Variants in SLC24A3 observed in about 807,000 individuals in gnomAD.
SLC24A3 encodes sodium/potassium/calcium exchanger 3.
A neutral mutation model predicts 75.8 loss-of-function variants in SLC24A3; 28 were observed. The observed-to-expected ratio is 0.37, with a 90% CI of 0.27 to 0.51. The LOEUF (loss-of-function observed/expected upper bound fraction) is 0.51. Among genes scored for constraint, SLC24A3 ranks in the 20% least tolerant of loss-of-function variants. SLC24A3 has a pLI of 0.94. For missense variants in SLC24A3, 663 were observed against 847.8 expected, an observed-to-expected ratio of 0.78 and a Z score of 2.71; for synonymous variants, 372 against 334.1, an observed-to-expected ratio of 1.11 and a Z score of -1.24.
At chr20:19,311,544 T>G (rs1401693849) in intron 2 of SLC24A3, among the ~76,000 whole-genome samples, 1 of 152,020 alleles carries the variant, frequency 6.6e-6, no homozygotes, top group Non-Finnish European at 1.5e-5. Context: ...GGTGTGCACG[T>G]TGGCCCCCAC....
intron 2 of SLC24A3, among the ~76,000 whole-genome samples, chr20:19,427,252 A>G (rs1987025547): frequency 6.6e-6 from 1 of 152,148 alleles, no homozygotes; most frequent in Admixed American, 6.5e-5. Flanking sequence ...ACCGGCATGA[A>G]AAAAGCAGCA....
intron 6 of SLC24A3, among the ~76,000 whole-genome samples, chr20:19,632,275 A>C (rs902617790): frequency 1.3e-5 from 2 of 152,218 alleles, no homozygotes; most frequent in Non-Finnish European, 2.9e-5. Flanking sequence ...TTAGTGGCTT[A>C]AAACAACCCA....
rs75546154 is a variant in SLC24A3, at chr20:19,472,036, T to C, written c.272-43452T>C. ...TTATTCAATTTTTGCAAATATTTAATGTACTGTTTCTTTTAAAATTCCTGT... is the reference window on the plus strand; with the variant it reads ...TTATTCAATTTTTGCAAATATTTAACGTACTGTTTCTTTTAAAATTCCTGT... On this transcript the variant is annotated intron_variant, in intron 2 of 16. Transcript: ENST00000328041. Among the ~76,000 whole-genome samples, 1,165 of 152,338 alleles carry C rather than the reference T, an allele frequency of 7.6e-3. 15 individuals carry two copies. The highest frequency in any genetic ancestry group is 0.027 in the African/African-American group (1,111 of 41,576).
At chr20:19,605,406 G>A (rs543427074) in intron 6 of SLC24A3, among the ~76,000 whole-genome samples, 3 of 152,066 alleles carry the variant, frequency 2.0e-5, no homozygotes, top group Admixed American at 6.6e-5. Context: ...CTACGAAAGA[G>A]GTTTTTCTTT....
chr20:19,597,754 C>T (rs1396033191), intron 6 of SLC24A3, among the ~76,000 whole-genome samples: 5 of 152,206 alleles, frequency 3.3e-5, no homozygotes, highest in Non-Finnish European at 7.3e-5. Context: ...TGCTGGTATC[C>T]ATCATTCTAC....
At chr20:19,663,406 C>G (rs1418551202) in intron 7 of SLC24A3, among the ~76,000 whole-genome samples, 2 of 106,476 alleles carry the variant, frequency 1.9e-5, no homozygotes, top group Admixed American at 9.2e-5. Context: ...GCCTCCTCCT[C>G]CACCTCCTCC....
At chr20:19,587,182 G>A (rs772400946) in intron 6 of SLC24A3, among the ~76,000 whole-genome samples, 82 of 152,306 alleles carry the variant, frequency 5.4e-4, no homozygotes, top group South Asian at 1.2e-3. Flanking sequence ...TTCATCATTT[G>A]TACCTGAAGC....
chr20:19,327,604 A>T (rs1984895002), intron 2 of SLC24A3, among the ~76,000 whole-genome samples: 1 of 152,110 alleles, frequency 6.6e-6, no homozygotes, highest in Non-Finnish European at 1.5e-5. Flanking sequence ...TGCTCTGATG[A>T]CTGTCTGTTC....
intron 1 of SLC24A3, among the ~76,000 whole-genome samples, chr20:19,262,421 A>G (rs897547170): frequency 6.6e-5 from 10 of 151,500 alleles, no homozygotes; most frequent in Admixed American, 3.9e-4. Context: ...AAAAAAAAAA[A>G]AAAAAGAAAG....
At chr20:19,663,093 G>C (rs1040779950) in intron 7 of SLC24A3, among the ~76,000 whole-genome samples, 10 of 152,026 alleles carry the variant, frequency 6.6e-5, no homozygotes, top group Admixed American at 6.5e-5. Context: ...TTTAGAGACA[G>C]GGTCTTGCTG....
At chr20:19,673,306 G>A (rs1179415953) in intron 8 of SLC24A3, among the ~76,000 whole-genome samples, 1 of 152,180 alleles carries the variant, frequency 6.6e-6, no homozygotes, top group Non-Finnish European at 1.5e-5. Context: ...TATACATATT[G>A]ACCTATATTC....
intron 2 of SLC24A3, among the ~76,000 whole-genome samples, chr20:19,494,545 C>T (rs909386678): frequency 2.0e-5 from 3 of 152,124 alleles, no homozygotes; most frequent in African/African-American, 7.2e-5. Context: ...GAAATACTAC[C>T]CCATTTTAAT....
chr20:19,326,900 A>C (rs1984875983), intron 2 of SLC24A3, among the ~76,000 whole-genome samples: 1 of 152,162 alleles, frequency 6.6e-6, no homozygotes, highest in Non-Finnish European at 1.5e-5. Flanking sequence ...GTTTTACAGA[A>C]ATAGATTATT....
chr20:19,654,201 C>A, intron 7 of SLC24A3, 65 bp downstream of exon 7: 1 of 1,471,024 alleles, frequency 6.8e-7, no homozygotes, highest in Non-Finnish European at 9.5e-7. Context: ...TGGTGTGAGG[C>A]TCCTCCACAT....
At chr20:19,293,121 G>A (rs1983980733) in intron 2 of SLC24A3, among the ~76,000 whole-genome samples, 1 of 152,092 alleles carries the variant, frequency 6.6e-6, no homozygotes, top group Admixed American at 6.6e-5. Context: ...GAGGTGGGAG[G>A]CTGCCCTTTG....
At position 19,685,121 on chromosome 20, in the gene SLC24A3, A is replaced by C. The variant is rs1225160315; in HGVS notation, c.1084A>C (p.Arg362=). Residue 362 remains arginine (R), a synonymous_variant, in exon 12 of 17, where the codon AGG becomes CGG. Coordinates refer to ENST00000328041, the MANE Select transcript of SLC24A3 (RefSeq NM_020689.4). ...INERQRLINS[R]AYTNGESEVA... is the part of the protein sequence containing the mutation. ...CCAGAGACAAAGATTGATAAACAGC[A>C]GGGCTTATACCAACGGGGAATCTGA... is the stretch of plus-strand genomic sequence containing the variant. 2 of 1,609,808 alleles carry C rather than the reference A, an allele frequency of 1.2e-6. No individual in the cohort carries two copies. Among genetic ancestry groups the C allele is most frequent in the Admixed American group, 1.7e-5 (1 of 59,820 alleles).
At chr20:19,462,043 C>T (rs907378825) in intron 2 of SLC24A3, among the ~76,000 whole-genome samples, 9 of 152,088 alleles carry the variant, frequency 5.9e-5, no homozygotes, top group African/African-American at 9.7e-5. Context: ...TCAGGGAGTC[C>T]GTGTACAGGT....
Position 19,327,490 on chromosome 20 carries a change from G to A in SLC24A3, c.271+46403G>A, listed in dbSNP as rs148252470. On this transcript the variant is annotated intron_variant, in intron 2 of 16. Coordinates refer to ENST00000328041, the MANE Select transcript of SLC24A3 (RefSeq NM_020689.4). ...AGTGCTCTACCCAGAGCCCCCTCTG[G>A]AATCTCAGCATGAGACTTCACACAT... is the stretch of plus-strand genomic sequence containing the variant. 3.9e-3 allele frequency among the ~76,000 whole-genome samples: 587 copies of A among 152,322 alleles called. 2 individuals carry two copies. Among genetic ancestry groups the A allele is most frequent in the Non-Finnish European group, 6.9e-3 (469 of 68,030 alleles).
chr20:19,316,102 A>T (rs573951907), intron 2 of SLC24A3, among the ~76,000 whole-genome samples: 1 of 152,350 alleles, frequency 6.6e-6, no homozygotes, highest in South Asian at 2.1e-4. Context: ...ACCAAAGCCT[A>T]TTGAACCACA....
Sources: gnomAD v4.1 joint callset for allele counts (sites outside exome capture counted in the v4.1 genomes callset) on GRCh38, gnomAD v4.1.1 for gene constraint, MANE v1.5 for transcripts, NCBI Gene and HGNC (gene_info 2026-07-23, HGNC 2026-07-21) for gene names.